Variants in MAGI2 observed in about 807,000 individuals in gnomAD.
The protein encoded by MAGI2 is membrane associated guanylate kinase, WW and PDZ domain containing 2, also known as membrane-associated guanylate kinase, WW and PDZ domain-containing protein 2.
A neutral mutation model predicts 133.3 loss-of-function variants in MAGI2; 35 were observed. The ratio of observed to expected loss-of-function variants is 0.26; its 90% confidence interval spans 0.20 to 0.35. The LOEUF (loss-of-function observed/expected upper bound fraction) is 0.35, where lower values mean the gene tolerates loss of function less well. Among genes scored for constraint, MAGI2 ranks in the 10% least tolerant of loss-of-function variants. The pLI, the probability that MAGI2 is intolerant of heterozygous loss-of-function variation, is 1.00. For missense variants in MAGI2, 1,636 were observed against 1,863.4 expected (o/e 0.88, Z 2.25); for synonymous variants, 729 against 710.6 (o/e 1.03, Z -0.41).
At chr7:78,324,055 G>A (rs1163761288) in intron 9 of MAGI2, among the ~76,000 whole-genome samples, 1 of 152,168 alleles carries the variant, frequency 6.6e-6, no homozygotes, top group East Asian at 1.9e-4. Flanking sequence ...AAAGGGAATG[G>A]ACTTTTATCT....
At chr7:78,257,308 C>T (rs1286900379) in intron 9 of MAGI2, among the ~76,000 whole-genome samples, 1 of 152,234 alleles carries the variant, frequency 6.6e-6, no homozygotes, top group Non-Finnish European at 1.5e-5. Flanking sequence ...GTATGACACA[C>T]AGTGCTCAAT....
chr7:78,966,486 TTATCC>T (rs1427741297), intron 2 of MAGI2, among the ~76,000 whole-genome samples: 1 of 152,274 alleles, frequency 6.6e-6, no homozygotes, highest in African/African-American at 2.4e-5. Context: ...TTCATCCATG[TTATCC>T]TATATGGCAG....
rs540669146 is a variant in MAGI2, at chr7:78,883,094, A to C, written c.418+123996T>G. Among the ~76,000 whole-genome samples the C allele has an allele frequency of 4.6e-5, 7 of 152,276 alleles. No homozygotes were observed. The East Asian group carries it at 1.4e-3, about 29-fold the overall frequency. On this transcript the variant is annotated intron_variant, in intron 2 of 21. Transcript: ENST00000354212. ...TTCTTTGCTGATGATACAACTCTAT[A>C]TGTAGAAAATCCTAATGTATCGAAA... is the stretch of plus-strand genomic sequence containing the variant.
At chr7:79,442,938 T>C (rs1848586429) in intron 1 of MAGI2, among the ~76,000 whole-genome samples, 1 of 150,356 alleles carries the variant, frequency 6.7e-6, no homozygotes, top group East Asian at 1.9e-4. Context: ...CATCATAGAC[T>C]GTGAAAAAAA....
intron 6 of MAGI2, among the ~76,000 whole-genome samples, chr7:78,383,359 G>A (rs1795096195): frequency 6.6e-6 from 1 of 152,004 alleles, no homozygotes. Context: ...TTTCTCTGAC[G>A]ATTAGTGATA....
At chr7:78,085,583 A>ACAC (rs59163698) in intron 20 of MAGI2, among the ~76,000 whole-genome samples, 12,296 of 105,008 alleles carry the variant, frequency 0.12, 826 homozygotes, top group East Asian at 0.37. Context: ...CACACACACA[A>ACAC]ACAAAACAAA....
Position 78,816,204 on chromosome 7 carries a change from C to G in MAGI2, c.419-188965G>C, listed in dbSNP as rs75316334. Among the ~76,000 whole-genome samples, 6 of 152,296 alleles carry G rather than the reference C, an allele frequency of 3.9e-5. No individual in the cohort carries two copies. In the East Asian group the frequency reaches 1.2e-3, roughly 29 times the overall value. ...CCTAATCCAGAGCAAAACTCTAACT[C>G]TCTTCAATTCTATGAAGGTTAAAAG... On this transcript the variant is annotated intron_variant, in intron 2 of 21. Transcript: ENST00000354212.
intron 2 of MAGI2, among the ~76,000 whole-genome samples, chr7:78,642,032 T>G (rs1293274772): frequency 2.6e-5 from 4 of 152,198 alleles, no homozygotes; most frequent in Non-Finnish European, 2.9e-5. Context: ...GCAAATCTTC[T>G]GTGTGCTAAG....
At chr7:79,396,504 T>C (rs1845066610) in intron 1 of MAGI2, among the ~76,000 whole-genome samples, 1 of 152,164 alleles carries the variant, frequency 6.6e-6, no homozygotes, top group Non-Finnish European at 1.5e-5. Context: ...AAACAACATT[T>C]TTAACATAAT....
rs1792946951 is a variant in MAGI2 at position 78,256,124 on chromosome 7, A to G, written c.1866T>C (p.Ser622=). ...TTTGTTTCACCCGCTGTCCTGTAGG[A>G]CTGTCGGCAATAGTGAAGCCGAAGC... ...AQGFGFTIAD[S]PTGQRVKQIL... Residue 622 remains serine (S), a synonymous_variant, in exon 10 of 22, where the codon AGT becomes AGC. Coordinates refer to ENST00000354212, the MANE Select transcript of MAGI2 (RefSeq NM_012301.4). 4.3e-6 allele frequency: 7 copies of G among 1,613,728 alleles called. No homozygotes were observed. The highest frequency in any genetic ancestry group is 5.9e-6 in the Non-Finnish European group (7 of 1,179,936).
chr7:79,115,696 A>C (rs1207795849), intron 1 of MAGI2, among the ~76,000 whole-genome samples: 1 of 151,818 alleles, frequency 6.6e-6, no homozygotes, highest in Non-Finnish European at 1.5e-5. Context: ...ATAAAAATAG[A>C]CTCCTAATAG....
chr7:79,170,508 T>C (rs1353341851), intron 1 of MAGI2, among the ~76,000 whole-genome samples: 1 of 152,058 alleles, frequency 6.6e-6, no homozygotes, highest in Non-Finnish European at 1.5e-5. Flanking sequence ...CAAAAGTAGA[T>C]TGATATATAT....
intron 6 of MAGI2, among the ~76,000 whole-genome samples, chr7:78,374,442 T>C (rs1252279968): frequency 6.6e-6 from 1 of 152,178 alleles, no homozygotes; most frequent in African/African-American, 2.4e-5. Flanking sequence ...AAGTTTCTTA[T>C]GGATTTTGGG....
At chr7:78,311,080 A>G (rs1490054904) in intron 9 of MAGI2, among the ~76,000 whole-genome samples, 1 of 152,210 alleles carries the variant, frequency 6.6e-6, no homozygotes, top group African/African-American at 2.4e-5. Flanking sequence ...CAACTAGTAT[A>G]TCAAATTTAC....
At chr7:78,505,865 G>T (rs183835255) in intron 4 of MAGI2, among the ~76,000 whole-genome samples, 11 of 151,798 alleles carry the variant, frequency 7.2e-5, no homozygotes, top group African/African-American at 1.5e-4. Flanking sequence ...ACATCTAAGG[G>T]TTCTTTCAGA....
In MAGI2 at chr7:78,160,210, C is replaced by A. The variant is rs200068841; in HGVS notation, c.2660G>T (p.Arg887Leu). ...GSVSTHHSSP[R>L]SDYATYTNSN... ...GTTGGTGTAGGTTGCGTAGTCACTGCGTGGAGAGCTGTGGTGGGTGGATAC... is the reference window on the plus strand; with the variant it reads ...GTTGGTGTAGGTTGCGTAGTCACTGAGTGGAGAGCTGTGGTGGGTGGATAC... The change falls in exon 16 of 22, where the codon CGC (arginine) becomes CTC (leucine). Residue 887 changes from arginine (R) to leucine (L), a missense_variant. By Grantham distance (102) the Arg-to-Leu change is moderately radical. Around this residue, in one of 5 missense-constraint regions of MAGI2, gnomAD observed 920 missense variants for 1,093.5 expected, o/e 0.84. Coordinates refer to ENST00000354212, the MANE Select transcript of MAGI2 (RefSeq NM_012301.4). 1.2e-6 allele frequency: 2 copies of A among 1,612,314 alleles called. No homozygotes were observed. Among genetic ancestry groups the A allele is most frequent in the African/African-American group, 1.3e-5 (1 of 74,930 alleles).
At position 78,178,060 on chromosome 7, in the gene MAGI2, T is replaced by G. The variant is rs764968875; in HGVS notation, c.2354A>C (p.Glu785Ala). The change falls in exon 14 of 22, where the codon GAG becomes GCG. Residue 785 changes from glutamate (E) to alanine (A), a missense_variant. Glu to Ala is a moderately radical substitution (Grantham distance 107, BLOSUM62 -1). Transcript: ENST00000354212. ...KELDVHLRRM[E>A]SGFGFRILGG... Reference sequence around the variant, plus strand: ...GAGGATTCTGAAGCCAAATCCAGACTCCATCCTCCGAAGATGAACATCCAA... The same window carrying G: ...GAGGATTCTGAAGCCAAATCCAGACGCCATCCTCCGAAGATGAACATCCAA... 1.2e-6 allele frequency: 2 copies of G among 1,613,222 alleles called. No individual in the cohort carries two copies. The highest frequency in any genetic ancestry group is 2.2e-5 in the South Asian group (2 of 91,062).
intron 2 of MAGI2, among the ~76,000 whole-genome samples, chr7:78,811,142 C>A (rs916122695): frequency 1.3e-5 from 2 of 151,542 alleles, no homozygotes; most frequent in African/African-American, 4.8e-5. Flanking sequence ...GAAGAATTTT[C>A]CAATAAGAAA....
Position 78,132,545 on chromosome 7 carries a change from C to T in MAGI2, c.3203+344G>A, listed in dbSNP as rs62461231. On this transcript the variant is annotated intron_variant, in intron 18 of 21. Transcript: ENST00000354212. Reference sequence around the variant, plus strand: ...CCACCCCATATATTGGCCGCATTTCCATCGTGCATACTGCAGGCTTGCGCC... The same window carrying T: ...CCACCCCATATATTGGCCGCATTTCTATCGTGCATACTGCAGGCTTGCGCC... 4.1e-3 allele frequency among the ~76,000 whole-genome samples: 630 copies of T among 152,336 alleles called. 4 individuals carry two copies. Among genetic ancestry groups the T allele is most frequent in the Non-Finnish European group, 7.5e-3 (509 of 68,026 alleles).
Sources: gnomAD v4.1 joint callset for allele counts (sites outside exome capture counted in the v4.1 genomes callset) on GRCh38, gnomAD v4.1.1 for gene constraint, gnomAD v4.1.1 regional missense constraint, MANE v1.5 for transcripts, NCBI Gene and HGNC (gene_info 2026-07-23, HGNC 2026-07-21) for gene names.